Variants in DPP6 observed in about 807,000 individuals in gnomAD.
DPP6 encodes the protein dipeptidyl peptidase like 6.
In DPP6, 69 loss-of-function variants were observed where a neutral mutation model predicts 122.6. That is an observed-to-expected ratio of 0.56 (90% CI 0.46 to 0.69). The LOEUF (loss-of-function observed/expected upper bound fraction) is 0.69, where lower values mean the gene tolerates loss of function less well. Among genes scored for constraint, DPP6 ranks in the 30% least tolerant of loss-of-function variants. DPP6 has a pLI of 0.00. For missense variants in DPP6, 928 were observed against 1,116.9 expected, an observed-to-expected ratio of 0.83 and a Z score of 2.41; for synonymous variants, 418 against 433.1, an observed-to-expected ratio of 0.97 and a Z score of 0.43.
At chr7:154,669,235 C>T (rs762503837) in intron 6 of DPP6, 125 bp from the exon 7 acceptor site, 2 of 1,418,562 alleles carry the variant, frequency 1.4e-6, no homozygotes, top group Non-Finnish European at 1.9e-6. Context: ...AAGAGACAAG[C>T]TCTTGAAATG....
rs530978405 is a variant in DPP6 at position 154,079,196 on chromosome 7, A to G, written c.243+26133A>G. Among the ~76,000 whole-genome samples the G allele has an allele frequency of 8.9e-4, 136 of 152,326 alleles. 1 individual carries two copies. Among genetic ancestry groups the G allele is most frequent in the African/African-American group, 3.2e-3 (134 of 41,578 alleles). ...GGGGACAGAGCTAGACTCCATCTCAAAAACGAAAGTGCCTGGTCGTCTTTC... is the reference window on the plus strand; with the variant it reads ...GGGGACAGAGCTAGACTCCATCTCAGAAACGAAAGTGCCTGGTCGTCTTTC... On this transcript the variant is annotated intron_variant, in intron 1 of 25. Transcript: ENST00000377770.
the DPP6 span, among the ~76,000 whole-genome samples, chr7:153,869,386 A>G: frequency 2.0e-5 from 3 of 152,282 alleles, no homozygotes; most frequent in Non-Finnish European, 4.4e-5. Flanking sequence ...TTGTTGAATT[A>G]ATCCCCTCAC....
intron 5 of DPP6, among the ~76,000 whole-genome samples, chr7:154,604,160 A>T (rs1408530953): frequency 8.3e-6 from 1 of 120,766 alleles, no homozygotes; most frequent in Non-Finnish European, 1.9e-5. Context: ...AGGTAAGTTT[A>T]TTTTTCTCCT....
chr7:154,248,519 G>T (rs1802135714), intron 1 of DPP6, among the ~76,000 whole-genome samples: 1 of 152,170 alleles, frequency 6.6e-6, no homozygotes, highest in South Asian at 2.1e-4. Context: ...TGTCTTAATT[G>T]GAATATATAC....
rs1292710430 is a variant in DPP6, at chr7:154,224,244, A to G, written c.243+171181A>G. Among the ~76,000 whole-genome samples, 4 of 148,854 alleles carry G rather than the reference A, an allele frequency of 2.7e-5. 2 individuals carry two copies. The highest frequency in any genetic ancestry group is 1.0e-4 in the African/African-American group (4 of 38,924). ...TGTGTGAGCCAGGAGAATAGCTTCA[A>G]CTTGGAGGCGGACATTGCAGTGAGC... On this transcript the variant is annotated intron_variant, in intron 1 of 25. Coordinates refer to ENST00000377770, the MANE Select transcript of DPP6 (RefSeq NM_130797.4).
chr7:154,127,650 C>G (rs71542519), intron 1 of DPP6, among the ~76,000 whole-genome samples: 33 of 55,666 alleles, frequency 5.9e-4, no homozygotes, highest in South Asian at 2.8e-3. Flanking sequence ...CACACACACA[C>G]AGACACACAC....
At chr7:154,221,301 C>T (rs1485928839) in intron 1 of DPP6, among the ~76,000 whole-genome samples, 1 of 152,116 alleles carries the variant, frequency 6.6e-6, no homozygotes, top group Non-Finnish European at 1.5e-5. Context: ...CCACCATGCC[C>T]AGCTAATTTT....
At chr7:154,147,710 A>G (rs548861964) in intron 1 of DPP6, among the ~76,000 whole-genome samples, 3 of 151,366 alleles carry the variant, frequency 2.0e-5, no homozygotes, top group Non-Finnish European at 4.4e-5. Context: ...ACACATACCT[A>G]TATATATATA....
At chr7:154,164,079 A>G (rs560541501) in intron 1 of DPP6, among the ~76,000 whole-genome samples, 52 of 152,122 alleles carry the variant, frequency 3.4e-4, no homozygotes, top group Admixed American at 5.2e-4. Flanking sequence ...TCTTCCAGGC[A>G]CCCAAGGTCT....
chr7:153,785,397 C>T, the DPP6 span, among the ~76,000 whole-genome samples: 1 of 152,162 alleles, frequency 6.6e-6, no homozygotes, highest in Admixed American at 6.5e-5. Flanking sequence ...GGATCCAATA[C>T]ACATTTGTTG....
chr7:154,327,986 G>A (rs532127653), intron 1 of DPP6, among the ~76,000 whole-genome samples: 10 of 152,276 alleles, frequency 6.6e-5, no homozygotes, highest in South Asian at 2.1e-4. Flanking sequence ...TGCTTTTAGC[G>A]GGAGTGCATT....
intron 1 of DPP6, among the ~76,000 whole-genome samples, chr7:154,021,315 C>T (rs1009876752): frequency 1.3e-4 from 20 of 152,134 alleles, no homozygotes; most frequent in African/African-American, 3.9e-4. Context: ...ACAAAATGGG[C>T]CTGAGATCTT....
intron 1 of DPP6, among the ~76,000 whole-genome samples, chr7:154,410,441 G>T (rs932465478): frequency 2.0e-5 from 3 of 152,160 alleles, no homozygotes; most frequent in African/African-American, 7.2e-5. Context: ...TATAAATGTG[G>T]TTTTTCATCC....
the DPP6 span, among the ~76,000 whole-genome samples, chr7:153,834,701 C>T: frequency 6.6e-6 from 1 of 152,032 alleles, no homozygotes; most frequent in Admixed American, 6.6e-5. Flanking sequence ...GTCAGGAGGG[C>T]CTATTAGCAA....
chr7:154,334,013 A>G (rs1436265948), intron 1 of DPP6, among the ~76,000 whole-genome samples: 1 of 152,214 alleles, frequency 6.6e-6, no homozygotes, highest in Admixed American at 6.5e-5. Context: ...ACTTAATAGT[A>G]TAAATACAAA....
intron 5 of DPP6, among the ~76,000 whole-genome samples, chr7:154,569,372 G>A (rs1028959887): frequency 6.6e-6 from 1 of 151,846 alleles, no homozygotes; most frequent in Non-Finnish European, 1.5e-5. Flanking sequence ...ACAATTAAAG[G>A]TTCCATATTC....
intron 5 of DPP6, among the ~76,000 whole-genome samples, chr7:154,577,724 G>C (rs1313493013): frequency 2.0e-5 from 3 of 152,210 alleles, no homozygotes; most frequent in African/African-American, 7.2e-5. Context: ...GGCCATCATT[G>C]TAATGTAGTG....
intron 10 of DPP6, among the ~76,000 whole-genome samples, chr7:154,790,286 G>A (rs1184679696): frequency 6.6e-6 from 1 of 152,194 alleles, no homozygotes; most frequent in Non-Finnish European, 1.5e-5. Flanking sequence ...GAGATGAGAT[G>A]TTGCTATGCG....
In DPP6 at chr7:153,918,473, C is replaced by CTG. The variant is rs1563005676; in HGVS notation, c.51+30740_51+30741insGT. On this transcript the variant is annotated intron_variant, in intron 1 of 25. Coordinates refer to the DPP6 transcript ENST00000404039. ...ACACACACACACACACACACTCTCT[C>CTG]TCTCTCTCTCTCTCTCTTTTTCTGC... 5.4e-5 allele frequency among the ~76,000 whole-genome samples: 7 copies of CTG among 130,068 alleles called. 1 individual carries two copies. In the East Asian group the frequency reaches 1.5e-3, roughly 28 times the overall value. 85.3% of individuals were successfully genotyped at this position (130,068 alleles called of 152,430 possible). A position where few individuals can be genotyped will look rare whatever the true frequency, so the allele number is the denominator to read the frequency against.
Sources: gnomAD v4.1 joint callset for allele counts (sites outside exome capture counted in the v4.1 genomes callset) on GRCh38, gnomAD v4.1.1 for gene constraint, MANE v1.5 for transcripts, NCBI Gene and HGNC (gene_info 2026-07-23, HGNC 2026-07-21) for gene names.